ARID1B: variants seen among roughly 807,000 people sequenced by gnomAD.
The protein encoded by ARID1B is AT-rich interaction domain 1B.
Under a neutral mutation model 212.3 loss-of-function variants are expected in ARID1B, and 30 were observed. The ratio of observed to expected loss-of-function variants is 0.14; its 90% CI spans 0.11 to 0.19. The LOEUF (loss-of-function observed/expected upper bound fraction) is 0.19, where lower values mean the gene tolerates loss of function less well. Ranked by LOEUF, ARID1B falls within the 10% of genes least tolerant of loss-of-function variation. ARID1B has a pLI of 1.00. For synonymous variants in ARID1B, 1,402 were observed against 1,301.7 expected (o/e 1.08, Z -1.66); for missense variants, 2,891 against 3,204.0 (o/e 0.90, Z 2.36).
chr6:156,968,555 A>G (rs992493510), intron 4 of ARID1B, among the ~76,000 whole-genome samples: 1 of 152,072 alleles, frequency 6.6e-6, no homozygotes, highest in Non-Finnish European at 1.5e-5. Flanking sequence ...CCCAGCTCCC[A>G]CTGATTTCAG....
At chr6:156,797,874 G>A (rs1040765947) in intron 1 of ARID1B, among the ~76,000 whole-genome samples, 5 of 152,186 alleles carry the variant, frequency 3.3e-5, no homozygotes, top group Non-Finnish European at 5.9e-5. Context: ...CCAACCTTTA[G>A]GGATGAAGAG....
Position 157,124,067 on chromosome 6 carries a change from T to C in ARID1B, c.2582-8961T>C, listed in dbSNP as rs889483023. ...CTTTCTGGCCTAGTAGACTCGTTTT[T>C]CTTCCTTGCCTTGCTGTCAGCTATC... On this transcript the variant is annotated intron_variant, in intron 6 of 19. Coordinates refer to ENST00000636930, the MANE Select transcript of ARID1B (RefSeq NM_001374828.1). 2.6e-5 allele frequency among the ~76,000 whole-genome samples: 4 copies of C among 152,274 alleles called. No individual in the cohort carries two copies. The South Asian group carries it at 8.3e-4, about 31-fold the overall frequency.
intron 4 of ARID1B, among the ~76,000 whole-genome samples, chr6:156,952,650 A>G (rs1480723035): frequency 6.6e-6 from 1 of 152,182 alleles, no homozygotes; most frequent in Non-Finnish European, 1.5e-5. Context: ...CACCCTTCTG[A>G]CCATTCATCC....
intron 8 of ARID1B, among the ~76,000 whole-genome samples, chr6:157,154,218 C>A (rs1405001812): frequency 1.3e-5 from 2 of 152,158 alleles, no homozygotes; most frequent in Non-Finnish European, 2.9e-5. Flanking sequence ...AGCCCTGGAT[C>A]TTTAAGCCAG....
chr6:157,186,857 C>T (rs773225755), intron 13 of ARID1B, among the ~76,000 whole-genome samples: 2 of 152,286 alleles, frequency 1.3e-5, no homozygotes, highest in African/African-American at 2.4e-5. Context: ...TCTAAGAGCA[C>T]TCTAAGTCAT....
At position 157,148,202 on chromosome 6, in the gene ARID1B, A is replaced by G. The variant is rs952943344; in HGVS notation, c.2762-422A>G. Among the ~76,000 whole-genome samples, 5 of 152,058 alleles carry G rather than the reference A, an allele frequency of 3.3e-5. No individual in the cohort carries two copies. The highest frequency in any genetic ancestry group is 4.8e-5 in the African/African-American group (2 of 41,388). On this transcript the variant is annotated intron_variant, in intron 7 of 19. Transcript: ENST00000636930. The surrounding 1 kb of genome is among the most constrained non-coding windows in gnomAD (Gnocchi z 5.6). ...ACGTTGTCTTTTTGAGCCCTTTCAC[A>G]TGACTGTTGAAGGTAGCAGTGATCT...
intron 2 of ARID1B, among the ~76,000 whole-genome samples, chr6:156,897,102 T>A (rs2128201838): frequency 6.6e-6 from 1 of 152,186 alleles, no homozygotes. Flanking sequence ...CATTTTTAGC[T>A]ATAAATTTTT....
At chr6:156,946,382 A>T (rs973292673) in intron 4 of ARID1B, among the ~76,000 whole-genome samples, 5 of 151,816 alleles carry the variant, frequency 3.3e-5, no homozygotes, top group African/African-American at 7.3e-5. Flanking sequence ...AAAAAATAAA[A>T]AATAAATAAT....
At chr6:156,817,073 C>T (rs1351919687) in intron 1 of ARID1B, among the ~76,000 whole-genome samples, 8 of 146,948 alleles carry the variant, frequency 5.4e-5, no homozygotes, top group Admixed American at 1.4e-4. Flanking sequence ...CCCATTTGCC[C>T]TTTAATTAAA....
Position 156,778,231 on chromosome 6 carries a change from A to G in ARID1B, c.551A>G (p.His184Arg). The change falls in exon 1 of 20, where the codon CAC becomes CGC. Residue 184 changes from histidine to arginine, a missense_variant. Coordinates refer to ENST00000636930, the MANE Select transcript of ARID1B (RefSeq NM_001374828.1). ...HHHHHHAHHLHHHHALQQQLN... is the reference protein window; with the variant it reads ...HHHHHHAHHLRHHHALQQQLN... ...CACCACCACCATGCCCACCACCTCC[A>G]CCACCACCACGCACTACAGCAGCAG... 2.6e-6 allele frequency: 4 copies of G among 1,537,550 alleles called. No homozygotes were observed. The highest frequency in any genetic ancestry group is 1.2e-5 in the South Asian group (1 of 83,898).
At chr6:156,831,636 ATAGAG>A (rs1474271414) in intron 2 of ARID1B, among the ~76,000 whole-genome samples, 3 of 152,368 alleles carry the variant, frequency 2.0e-5, no homozygotes, top group Non-Finnish European at 2.9e-5. Flanking sequence ...ACACAGATAT[ATAGAG>A]TAATCTCAAT....
At chr6:157,077,876 G>T (rs566727525) in intron 4 of ARID1B, among the ~76,000 whole-genome samples, 5 of 152,050 alleles carry the variant, frequency 3.3e-5, no homozygotes, top group Non-Finnish European at 7.4e-5. Flanking sequence ...ACAAAACTTA[G>T]ATAGGGCTTG....
intron 2 of ARID1B, among the ~76,000 whole-genome samples, chr6:156,883,361 T>G (rs1032712673): frequency 6.6e-6 from 1 of 152,220 alleles, no homozygotes; most frequent in Non-Finnish European, 1.5e-5. Flanking sequence ...GACTTGGTGA[T>G]CTGAGAGCTC....
At chr6:157,186,537 G>T (rs1450139826) in intron 13 of ARID1B, 1 of 471,130 alleles carries the variant, frequency 2.1e-6, no homozygotes, top group Non-Finnish European at 4.4e-6. Flanking sequence ...ACAGCAGGTG[G>T]CCTCTCCGAT....
In ARID1B at chr6:156,778,967, G is replaced by GGCGGCA. The variant is rs1562377904; in HGVS notation, c.1290_1295dup (p.Ala432_Ala433dup). The GGCGGCA allele has an allele frequency of 6.2e-6, 8 of 1,285,674 alleles. No homozygotes were observed. Among genetic ancestry groups the GGCGGCA allele is most frequent in the South Asian group, 3.1e-5 (1 of 32,756 alleles). The allele number at this position is 1,285,674 out of a possible 1,614,324, so 79.6% of individuals were successfully genotyped here. A position where few individuals can be genotyped will look rare whatever the true frequency, so the allele number is the denominator to read the frequency against. Reference sequence around the variant, plus strand: ...CTGTGGCGGCGGCGGCCGCGGCGGCGGCGGCAGCAGCAGGAGGCGGCGGCG... The same window carrying GGCGGCA: ...CTGTGGCGGCGGCGGCCGCGGCGGCGGCGGCAGCGGCAGCAGCAGGAGGCGGCGGCG... On this transcript the variant is annotated inframe_insertion, in exon 1 of 20. Transcript: ENST00000636930.
At chr6:156,897,718 C>G (rs952502504) in intron 2 of ARID1B, among the ~76,000 whole-genome samples, 1 of 151,978 alleles carries the variant, frequency 6.6e-6, no homozygotes, top group Non-Finnish European at 1.5e-5. Flanking sequence ...ATGCACTGGA[C>G]AGTCAGGACT....
intron 4 of ARID1B, among the ~76,000 whole-genome samples, chr6:157,060,515 A>G (rs1431378501): frequency 6.6e-6 from 1 of 152,172 alleles, no homozygotes; most frequent in African/African-American, 2.4e-5. Context: ...TTTTTCTTAA[A>G]TAATACTTTT....
intron 5 of ARID1B, among the ~76,000 whole-genome samples, chr6:157,095,552 G>C (rs950180717): frequency 1.3e-5 from 2 of 152,240 alleles, no homozygotes; most frequent in Admixed American, 6.5e-5. Context: ...GGGCGTGCCT[G>C]AGAAGGAGGC....
intron 4 of ARID1B, among the ~76,000 whole-genome samples, chr6:157,057,121 C>T (rs1191704512): frequency 3.9e-5 from 6 of 151,944 alleles, no homozygotes; most frequent in African/African-American, 9.7e-5. Flanking sequence ...CTCAGCCTCC[C>T]GAGTAGCTGG....
Sources: allele counts gnomAD v4.1 joint callset (sites outside exome capture counted in the v4.1 genomes callset), GRCh38; gene constraint gnomAD v4.1.1; non-coding constraint Gnocchi (gnomAD v3.1); transcripts MANE v1.5; gene names NCBI Gene and HGNC (gene_info 2026-07-23, HGNC 2026-07-21).